Variants in SUMF1 observed in about 807,000 individuals in gnomAD.
SUMF1 encodes the protein formylglycine-generating enzyme.
SUMF1 carries 48 observed loss-of-function variants against 47.6 expected under a neutral mutation model. The ratio of observed to expected loss-of-function variants is 1.01; its 90% CI spans 0.80 to 1.28. SUMF1 has a LOEUF of 1.28. Among genes scored for constraint, SUMF1 ranks in the 50% most tolerant of loss-of-function variants. SUMF1 has a pLI of 0.00. For missense variants in SUMF1, 571 were observed against 485.4 expected (o/e 1.18, Z -1.66); for synonymous variants, 230 against 192.1 (o/e 1.20, Z -1.63).
chr3:4,406,339 T>C (rs542855348), intron 7 of SUMF1, among the ~76,000 whole-genome samples: 17 of 152,170 alleles, frequency 1.1e-4, no homozygotes, highest in Non-Finnish European at 2.4e-4. Context: ...CCAAGTTACT[T>C]TGGTTTATTC....
In SUMF1 at chr3:4,459,895, T is replaced by C. The variant is rs1381906345; in HGVS notation, c.271-6846A>G. ...CCCCTACTAATCCTTCTGAAAATGTTAGTCTACTGTACCCAATGCAATTTT... is the reference window on the plus strand; with the variant it reads ...CCCCTACTAATCCTTCTGAAAATGTCAGTCTACTGTACCCAATGCAATTTT... On this transcript the variant is annotated intron_variant, in intron 1 of 8. Coordinates refer to ENST00000272902, the MANE Select transcript of SUMF1 (RefSeq NM_182760.4). Among the ~76,000 whole-genome samples, 9 of 152,218 alleles carry C rather than the reference T, an allele frequency of 5.9e-5. No homozygotes were observed. The South Asian group carries it at 1.7e-3, about 28-fold the overall frequency.
In SUMF1 at chr3:4,450,302, A is replaced by C. The variant is rs1702926394; in HGVS notation, c.445-962T>G. 2.0e-5 allele frequency among the ~76,000 whole-genome samples: 3 copies of C among 152,178 alleles called. No individual in the cohort carries two copies. In the South Asian group the frequency reaches 6.2e-4, roughly 32 times the overall value. ...AACTTTCAATCTCATCAAATTAACT[A>C]TAGCCAGTACTCCAAATGACTCTCA... On this transcript the variant is annotated intron_variant, in intron 2 of 8. Coordinates refer to ENST00000272902, the MANE Select transcript of SUMF1 (RefSeq NM_182760.4).
chr3:4,275,042 G>A (rs541997466), intron 8 of SUMF1, among the ~76,000 whole-genome samples: 14 of 152,192 alleles, frequency 9.2e-5, no homozygotes, highest in South Asian at 2.1e-4. Flanking sequence ...ATGCATCTCC[G>A]TGTCTCCCAA....
At chr3:4,313,843 C>A (rs554226386) in intron 8 of SUMF1, 1 of 1,584,726 alleles carries the variant, frequency 6.3e-7, no homozygotes, top group African/African-American at 1.3e-5. Context: ...TGCCTAGTTA[C>A]ATAAGTTTAA....
intron 8 of SUMF1, among the ~76,000 whole-genome samples, chr3:4,262,483 C>T (rs1697108192): frequency 6.6e-6 from 1 of 152,120 alleles, no homozygotes; most frequent in Non-Finnish European, 1.5e-5. Flanking sequence ...AAATCCATGA[C>T]TAAGGTGCCA....
intron 8 of SUMF1, among the ~76,000 whole-genome samples, chr3:4,229,630 TATC>T (rs1245227860): frequency 2.0e-5 from 3 of 152,142 alleles, no homozygotes; most frequent in Non-Finnish European, 4.4e-5. Flanking sequence ...TTATGGGCCA[TATC>T]ATCAAGTATG....
chr3:4,413,472 C>T (rs2125018397), intron 6 of SUMF1, among the ~76,000 whole-genome samples: 1 of 151,982 alleles, frequency 6.6e-6, no homozygotes, highest in South Asian at 2.1e-4. Flanking sequence ...GTGGAGGTCA[C>T]CACCCCTAAA....
chr3:4,294,079 A>G (rs138558333), intron 8 of SUMF1, among the ~76,000 whole-genome samples: 2 of 152,310 alleles, frequency 1.3e-5, no homozygotes, highest in East Asian at 3.9e-4. Context: ...CAGTTCTCAG[A>G]TCTTGGGCAG....
intron 8 of SUMF1, among the ~76,000 whole-genome samples, chr3:4,363,722 T>C (rs1221157005): frequency 1.5e-5 from 2 of 135,272 alleles, no homozygotes; most frequent in Non-Finnish European, 3.1e-5. Flanking sequence ...TATTTCCTTC[T>C]CCTGCCTAAT....
chr3:4,361,721 A>C lies in SUMF1; in HGVS notation c.*423T>G. The C allele has an allele frequency of 4.8e-6, 1 of 207,866 alleles. No individual in the cohort carries two copies. Among genetic ancestry groups the C allele is most frequent in the Non-Finnish European group, 9.9e-6 (1 of 101,258 alleles). The allele number at this position is 207,866 out of a possible 1,614,324, so 12.9% of individuals were successfully genotyped here. A position where few individuals can be genotyped will look rare whatever the true frequency, so the allele number is the denominator to read the frequency against. On this transcript the variant is annotated 3_prime_UTR_variant, in exon 9 of 9. Coordinates refer to ENST00000272902, the MANE Select transcript of SUMF1 (RefSeq NM_182760.4). ...CAATAGAATCTGATACCCTTTTTAG[A>C]ACTGGTGAGTTGGAGAGACACCCAG...
At chr3:4,129,064 G>A (rs964575822) in intron 8 of SUMF1, among the ~76,000 whole-genome samples, 1 of 152,176 alleles carries the variant, frequency 6.6e-6, no homozygotes, top group Non-Finnish European at 1.5e-5. Context: ...ACTCATCCCA[G>A]CTGGGAGGAT....
intron 8 of SUMF1, among the ~76,000 whole-genome samples, chr3:4,335,908 T>C (rs770998974): frequency 4.6e-5 from 6 of 130,348 alleles, no homozygotes; most frequent in Non-Finnish European, 9.3e-5. Flanking sequence ...TGCAATGAAC[T>C]GAAGATCATG....
intron 8 of SUMF1, among the ~76,000 whole-genome samples, chr3:4,158,381 C>A (rs552168822): frequency 6.6e-6 from 1 of 151,186 alleles, no homozygotes; most frequent in Non-Finnish European, 1.5e-5. Context: ...CGTGGTCTAT[C>A]CCGAGAATGA....
chr3:4,149,972 C>T (rs942537205), intron 8 of SUMF1, among the ~76,000 whole-genome samples: 1 of 152,058 alleles, frequency 6.6e-6, no homozygotes, highest in Non-Finnish European at 1.5e-5. Flanking sequence ...AAATTTTAGC[C>T]TCTGGAGATT....
At chr3:4,457,038 G>GTACATATATATACGTGTGTGTATA (rs2079669679) in intron 1 of SUMF1, among the ~76,000 whole-genome samples, 1 of 109,212 alleles carries the variant, frequency 9.2e-6, no homozygotes, top group African/African-American at 3.1e-5. Context: ...ACGTGTGTGT[G>GTACATATATATACGTGTGTGTATA]TATATATATA....
chr3:4,086,105 A>G (rs1559458547), intron 8 of SUMF1, among the ~76,000 whole-genome samples: 1 of 152,054 alleles, frequency 6.6e-6, no homozygotes, highest in Non-Finnish European at 1.5e-5. Context: ...GAGAACACAG[A>G]AACAAGGGCC....
chr3:4,061,849 G>A (rs944646919), intron 9 of SUMF1, among the ~76,000 whole-genome samples: 16 of 152,114 alleles, frequency 1.1e-4, no homozygotes, highest in African/African-American at 3.9e-4. Flanking sequence ...CAGTGTGTAA[G>A]GAGAAACCTT....
chr3:4,422,778 T>A (rs793389), intron 3 of SUMF1, among the ~76,000 whole-genome samples: 140,512 of 151,278 alleles, frequency 0.93, 65,932 homozygotes, highest in Non-Finnish European at 0.99. Flanking sequence ...TTTTTTTTTT[T>A]AAAAAAAATT....
intron 8 of SUMF1, among the ~76,000 whole-genome samples, chr3:4,112,468 G>A (rs762131197): frequency 6.6e-6 from 1 of 152,236 alleles, no homozygotes; most frequent in Non-Finnish European, 1.5e-5. Context: ...AGAGGCAATA[G>A]AAGATGCTAA....
Sources: allele counts gnomAD v4.1 joint callset (sites outside exome capture counted in the v4.1 genomes callset), GRCh38; gene constraint gnomAD v4.1.1; transcripts MANE v1.5; gene names NCBI Gene and HGNC (gene_info 2026-07-23, HGNC 2026-07-21).